TRIM9: variants seen among roughly 807,000 people sequenced by gnomAD.
The protein encoded by TRIM9 is tripartite motif containing 9.
Under a neutral mutation model 78.3 loss-of-function variants are expected in TRIM9, and 26 were observed. The observed-to-expected ratio is 0.33, with a 90% CI of 0.24 to 0.46. TRIM9 has a LOEUF of 0.46. Among genes scored for constraint, TRIM9 ranks in the 20% least tolerant of loss-of-function variants. TRIM9 has a pLI of 1.00. For missense variants in TRIM9, 787 were observed against 1,036.4 expected, an observed-to-expected ratio of 0.76 and a Z score of 3.30; for synonymous variants, 398 against 416.5, an observed-to-expected ratio of 0.96 and a Z score of 0.54.
At chr14:51,092,822 T>C (rs763881872) in intron 1 of TRIM9, among the ~76,000 whole-genome samples, 4 of 152,108 alleles carry the variant, frequency 2.6e-5, no homozygotes, top group Non-Finnish European at 5.9e-5. Flanking sequence ...AATTAAAATA[T>C]ATAGCATGCC....
chr14:50,993,829 G>A lies in TRIM9; in HGVS notation c.1603+4221C>T, dbSNP rs1412722772. On this transcript the variant is annotated intron_variant, in intron 7 of 12. Transcript: ENST00000684578. ...ACAGCGGACTGTGCTGAGCATTGGC[G>A]GCTTAAAGTCCTGGATCTGACATAT... 3.3e-5 allele frequency among the ~76,000 whole-genome samples: 5 copies of A among 152,240 alleles called. No homozygotes were observed. The East Asian group carries it at 9.6e-4, about 29-fold the overall frequency.
Position 51,094,970 on chromosome 14 carries a change from CTGCAGCGGG to C in TRIM9, c.-40_-32del. ...CCGGTCTGGGAGGAGACAGCGACGG[CTGCAGCGGG>C]TGCCTGAGCTGGCGAGGTGGCCGAC... On this transcript the variant is annotated 5_prime_UTR_variant, in exon 1 of 13. Coordinates refer to ENST00000684578, the MANE Select transcript of TRIM9 (RefSeq NM_001387360.1). 7.2e-7 allele frequency: 1 copy of C among 1,390,066 alleles called. No individual in the cohort carries two copies. The allele number at this position is 1,390,066 out of a possible 1,614,324, so 86.1% of individuals were successfully genotyped here. A position where few individuals can be genotyped will look rare whatever the true frequency, so the allele number is the denominator to read the frequency against.
rs1233925123 is a variant in TRIM9, at chr14:51,000,796, A to G, written c.1351T>C (p.Cys451Arg). 1 of 1,614,114 alleles carries G rather than the reference A, an allele frequency of 6.2e-7. No individual in the cohort carries two copies. The highest frequency in any genetic ancestry group is 2.2e-5 in the East Asian group (1 of 44,902). The change falls in exon 6 of 13, where the codon TGT becomes CGT. Residue 451 changes from cysteine (C) to arginine (R), a missense_variant. Physicochemically the swap from Cys to Arg is radical, Grantham distance 180. Transcript: ENST00000684578. The part of the protein sequence containing the change: ...PATPILQLEE[C>R]CTHNNSATLS... ...GTAGCGCTGTTGTTGTGGGTACAAC[A>G]TTCCTCCAGCTGTAGGATAGGGGTT...
intron 1 of TRIM9, among the ~76,000 whole-genome samples, chr14:51,084,343 A>T (rs2063570758): frequency 6.6e-6 from 1 of 152,196 alleles, no homozygotes; most frequent in Non-Finnish European, 1.5e-5. Flanking sequence ...TTTAAGTAAA[A>T]AGTAGAGCAA....
intron 1 of TRIM9, among the ~76,000 whole-genome samples, chr14:51,029,433 G>A (rs531179881): frequency 3.3e-5 from 5 of 152,194 alleles, no homozygotes; most frequent in African/African-American, 1.2e-4. Context: ...GCCCACTCCC[G>A]CTCCTTCCCA....
At chr14:51,055,644 A>G (rs1213354548) in intron 1 of TRIM9, among the ~76,000 whole-genome samples, 1 of 152,206 alleles carries the variant, frequency 6.6e-6, no homozygotes, top group Non-Finnish European at 1.5e-5. Flanking sequence ...TAGAAGGTGG[A>G]AAAGGCAGGA....
intron 1 of TRIM9, among the ~76,000 whole-genome samples, chr14:51,068,473 A>C (rs72687159): frequency 0.2 from 30,883 of 152,206 alleles, 3,278 homozygotes; most frequent in Non-Finnish European, 0.24. Context: ...ATTTATTAAG[A>C]GCTGCCTGTG....
chr14:51,009,344 T>C (rs2139622988), intron 4 of TRIM9, 111 bp from the exon 5 acceptor site: 4 of 1,311,056 alleles, frequency 3.1e-6, no homozygotes, highest in South Asian at 2.8e-5. Flanking sequence ...TGAGGACTCA[T>C]ACTCTGACTG....
intron 5 of TRIM9, among the ~76,000 whole-genome samples, chr14:51,001,742 G>A (rs904762819): frequency 2.6e-5 from 4 of 152,062 alleles, no homozygotes; most frequent in African/African-American, 9.7e-5. Flanking sequence ...TGAGATCACA[G>A]TGATCTCTCC....
chr14:51,001,894 C>T (rs1424337783), intron 5 of TRIM9, among the ~76,000 whole-genome samples: 1 of 152,136 alleles, frequency 6.6e-6, no homozygotes, highest in East Asian at 1.9e-4. Context: ...TGGAGCATGA[C>T]AAGGAGGCTC....
intron 8 of TRIM9, among the ~76,000 whole-genome samples, chr14:50,984,510 A>G (rs1413737486): frequency 6.6e-6 from 1 of 152,216 alleles, no homozygotes; most frequent in African/African-American, 2.4e-5. Flanking sequence ...TCTATCAATT[A>G]TCACTTCAAT....
chr14:51,057,564 A>C (rs1484257378), intron 1 of TRIM9, among the ~76,000 whole-genome samples: 3 of 152,222 alleles, frequency 2.0e-5, no homozygotes, highest in Non-Finnish European at 4.4e-5. Context: ...ATTTTCTAAA[A>C]ATTTTTAATC....
At chr14:51,060,511 G>A (rs11628238) in intron 1 of TRIM9, among the ~76,000 whole-genome samples, 4,140 of 152,008 alleles carry the variant, frequency 0.027, 85 homozygotes, top group Non-Finnish European at 0.042. Flanking sequence ...CTGTCGCCCA[G>A]GCTGGAGTGC....
chr14:51,049,506 C>T (rs1444562297), intron 1 of TRIM9, among the ~76,000 whole-genome samples: 1 of 152,028 alleles, frequency 6.6e-6, no homozygotes, highest in East Asian at 1.9e-4. Flanking sequence ...CTTCATTCAA[C>T]AAATATAGTG....
intron 1 of TRIM9, among the ~76,000 whole-genome samples, chr14:51,051,868 G>T (rs2060452586): frequency 6.6e-6 from 1 of 152,116 alleles, no homozygotes; most frequent in South Asian, 2.1e-4. Context: ...TAAGGAGGCT[G>T]AGGTGAGATA....
chr14:51,035,265 G>A (rs1051133169), intron 1 of TRIM9, among the ~76,000 whole-genome samples: 3 of 152,036 alleles, frequency 2.0e-5, no homozygotes, highest in African/African-American at 7.2e-5. Context: ...AAATGAGAAT[G>A]TTCTGCTTTT....
At chr14:50,993,371 C>CTTT (rs35659590) in intron 7 of TRIM9, among the ~76,000 whole-genome samples, 1 of 144,258 alleles carries the variant, frequency 6.9e-6, no homozygotes, top group Non-Finnish European at 1.5e-5. Flanking sequence ...CAACAAGACT[C>CTTT]TTTTTTTTTT....
intron 2 of TRIM9, among the ~76,000 whole-genome samples, chr14:51,024,475 C>A (rs760705415): frequency 6.6e-6 from 1 of 152,134 alleles, no homozygotes; most frequent in Non-Finnish European, 1.5e-5. Flanking sequence ...TGAACTTAGG[C>A]AATTTACTGG....
chr14:51,033,243 C>T (rs1266087282), intron 1 of TRIM9, among the ~76,000 whole-genome samples: 1 of 152,070 alleles, frequency 6.6e-6, no homozygotes, highest in African/African-American at 2.4e-5. Flanking sequence ...CAGGTGTGTG[C>T]CACCACACCT....
Sources: gnomAD v4.1 joint callset for allele counts (sites outside exome capture counted in the v4.1 genomes callset) on GRCh38, gnomAD v4.1.1 for gene constraint, MANE v1.5 for transcripts, NCBI Gene and HGNC (gene_info 2026-07-23, HGNC 2026-07-21) for gene names.